CDH19: variants seen among roughly 807,000 people sequenced by gnomAD.
The protein encoded by CDH19 is cadherin-19.
Under a neutral mutation model 64.2 loss-of-function variants are expected in CDH19, and 67 were observed. That is an observed-to-expected ratio of 1.04 (90% CI 0.86 to 1.28). The LOEUF (loss-of-function observed/expected upper bound fraction) is 1.28. Among genes scored for constraint, CDH19 ranks in the 50% most tolerant of loss-of-function variants. The pLI, the probability that CDH19 is intolerant of heterozygous loss-of-function variation, is 0.00. For missense variants in CDH19, 1,030 were observed against 929.0 expected (o/e 1.11, Z -1.41); for synonymous variants, 346 against 319.3 (o/e 1.08, Z -0.89).
chr18:66,592,598 T>C (rs900710866), intron 1 of CDH19, among the ~76,000 whole-genome samples: 1 of 151,796 alleles, frequency 6.6e-6, no homozygotes, highest in Non-Finnish European at 1.5e-5. Context: ...GTTAGCTTAA[T>C]TTTATTCTAG....
At chr18:66,508,660 G>A (rs904586423) in intron 11 of CDH19, among the ~76,000 whole-genome samples, 3 of 151,872 alleles carry the variant, frequency 2.0e-5, no homozygotes, top group East Asian at 1.9e-4. Flanking sequence ...ATAAGCACTC[G>A]AGAGAAGCTC....
intron 1 of CDH19, among the ~76,000 whole-genome samples, chr18:66,598,203 T>G (rs1988952982): frequency 6.6e-6 from 1 of 152,186 alleles, no homozygotes; most frequent in Non-Finnish European, 1.5e-5. Context: ...CTGATGTGAA[T>G]GTAAATTAGT....
At chr18:66,523,902 G>C (rs1368430346) in intron 9 of CDH19, among the ~76,000 whole-genome samples, 3 of 150,784 alleles carry the variant, frequency 2.0e-5, no homozygotes, top group East Asian at 4.0e-4. Flanking sequence ...AAAGCTCTCC[G>C]GGGGTGGGGG....
At chr18:66,556,002 C>A (rs1227929716) in intron 3 of CDH19, among the ~76,000 whole-genome samples, 1 of 151,532 alleles carries the variant, frequency 6.6e-6, no homozygotes, top group Non-Finnish European at 1.5e-5. Flanking sequence ...TCTTTAGAGC[C>A]CCTAAGCTAG....
At chr18:66,543,374 C>A (rs1447806869) in intron 7 of CDH19, among the ~76,000 whole-genome samples, 1 of 151,960 alleles carries the variant, frequency 6.6e-6, no homozygotes, top group African/African-American at 2.4e-5. Flanking sequence ...CTAATTGGGG[C>A]TTTTTAAAAA....
In CDH19 at chr18:66,503,523, T is replaced by G. The variant is rs1245336057; in HGVS notation, c.*1289A>C. Reference sequence around the variant, plus strand: ...GTATTCCTTTAAGTTGTCTAAATAATTTTTAGTAGAGGTAAAAATTTACTT... The same window carrying G: ...GTATTCCTTTAAGTTGTCTAAATAAGTTTTAGTAGAGGTAAAAATTTACTT... On this transcript the variant is annotated 3_prime_UTR_variant, in exon 12 of 12. Coordinates refer to ENST00000262150, the MANE Select transcript of CDH19 (RefSeq NM_021153.4). 1 of 151,808 alleles carries G rather than the reference T, an allele frequency of 6.6e-6. No homozygotes were observed. Among genetic ancestry groups the G allele is most frequent in the Non-Finnish European group, 1.5e-5 (1 of 67,812 alleles). The allele number at this position is 151,808 out of a possible 1,614,324, so 9.4% of individuals were successfully genotyped here.
rs74559040 is a variant in CDH19 at position 66,532,719 on chromosome 18, G to T, written c.1336+2267C>A. On this transcript the variant is annotated intron_variant, in intron 8 of 11. Coordinates refer to ENST00000262150, the MANE Select transcript of CDH19 (RefSeq NM_021153.4). The stretch of plus-strand genomic sequence containing the variant: ...AATACAGCATCCCTATATCCTAGAT[G>T]TGGGGAAGGATAGGAGACTCATTTT... The T allele has an allele frequency of 8.4e-3, 3,798 of 452,310 alleles. 111 individuals carry two copies. Among genetic ancestry groups the T allele is most frequent in the African/African-American group, 0.069 (3,455 of 49,990 alleles). The allele number at this position is 452,310 out of a possible 1,614,324, so 28.0% of individuals were successfully genotyped here.
At position 66,554,402 on chromosome 18, in the gene CDH19, T is replaced by C. The variant is rs1476825397; in HGVS notation, c.610+3A>G. 1 of 1,610,862 alleles carries C rather than the reference T, an allele frequency of 6.2e-7. No homozygotes were observed. The highest frequency in any genetic ancestry group is 1.7e-5 in the Admixed American group (1 of 59,650). Reference sequence around the variant, plus strand: ...AAACTTTGCTTGTTTCATTCACAAATACCTGTTGTTGGTTCAACAGAAAAA... The same window carrying C: ...AAACTTTGCTTGTTTCATTCACAAACACCTGTTGTTGGTTCAACAGAAAAA... On this transcript the variant is annotated splice_donor_region_variant and intron_variant, in intron 4 of 11. Coordinates refer to ENST00000262150, the MANE Select transcript of CDH19 (RefSeq NM_021153.4).
chr18:66,559,044 C>T (rs1019671374), intron 3 of CDH19, among the ~76,000 whole-genome samples: 2 of 151,956 alleles, frequency 1.3e-5, no homozygotes, highest in East Asian at 1.9e-4. Flanking sequence ...CTCCCATCCC[C>T]GGTCATCCCA....
At chr18:66,529,329 T>TAA (rs1040996585) in intron 9 of CDH19, among the ~76,000 whole-genome samples, 3 of 137,556 alleles carry the variant, frequency 2.2e-5, no homozygotes, top group Non-Finnish European at 1.6e-5. Flanking sequence ...GCATGATGAA[T>TAA]AAAAAAAAAA....
intron 1 of CDH19, among the ~76,000 whole-genome samples, chr18:66,587,159 A>T (rs1462007547): frequency 6.6e-6 from 1 of 152,134 alleles, no homozygotes; most frequent in East Asian, 1.9e-4. Context: ...AGGACAATAT[A>T]AGTAAGAGAA....
intron 1 of CDH19, among the ~76,000 whole-genome samples, chr18:66,590,164 G>C (rs1988701684): frequency 6.6e-6 from 1 of 151,744 alleles, no homozygotes; most frequent in Admixed American, 6.6e-5. Flanking sequence ...CACAGCTACT[G>C]ATTCATGAGC....
chr18:66,536,121 T>C (rs997384894), intron 7 of CDH19, among the ~76,000 whole-genome samples: 4 of 151,172 alleles, frequency 2.6e-5, no homozygotes, highest in Admixed American at 1.3e-4. Context: ...AAACAATTAA[T>C]AATAAAAATT....
chr18:66,543,063 T>C (rs895446073), intron 7 of CDH19, among the ~76,000 whole-genome samples: 10 of 152,284 alleles, frequency 6.6e-5, no homozygotes, highest in African/African-American at 1.9e-4. Context: ...TCTCGCTTTG[T>C]CACCCAGGCC....
At chr18:66,590,727 A>G (rs746466768) in intron 1 of CDH19, among the ~76,000 whole-genome samples, 24 of 151,994 alleles carry the variant, frequency 1.6e-4, no homozygotes, top group Non-Finnish European at 2.9e-4. Flanking sequence ...AATGAACTCA[A>G]AATTGAAATG....
In CDH19 at chr18:66,515,068, T is replaced by C. The variant is rs183973238; in HGVS notation, c.1459-3383A>G. Among the ~76,000 whole-genome samples, 552 of 151,808 alleles carry C rather than the reference T, an allele frequency of 3.6e-3. 3 individuals carry two copies. The highest frequency in any genetic ancestry group is 3.3e-3 in the Non-Finnish European group (223 of 67,682). On this transcript the variant is annotated intron_variant, in intron 9 of 11. Transcript: ENST00000262150. Reference sequence around the variant, plus strand: ...AAGATACAAATACTGAGTATTAATTTATATAACTCATCAATTCCTTGAAGT... The same window carrying C: ...AAGATACAAATACTGAGTATTAATTCATATAACTCATCAATTCCTTGAAGT...
chr18:66,532,300 G>A, intron 8 of CDH19: 1 of 152,050 alleles, frequency 6.6e-6, no homozygotes. Flanking sequence ...AAAGCTATAG[G>A]AAAGGTGCAT....
Position 66,511,694 on chromosome 18 carries a change from A to C in CDH19, c.1459-9T>G. On this transcript the variant is annotated splice_polypyrimidine_tract_variant and intron_variant, in intron 9 of 11. Coordinates refer to ENST00000262150, the MANE Select transcript of CDH19 (RefSeq NM_021153.4). The stretch of plus-strand genomic sequence containing the variant: ...CTGATAGTCTGAATTACCTAAAAAA[A>C]AAGGGGGATAGATTTTTGTTGTTGT... The C allele has an allele frequency of 7.8e-7, 1 of 1,287,354 alleles. No individual in the cohort carries two copies. The highest frequency in any genetic ancestry group is 1.5e-5 in the African/African-American group (1 of 67,870). The allele number at this position is 1,287,354 out of a possible 1,614,324, so 79.7% of individuals were successfully genotyped here.
At chr18:66,561,769 C>T (rs1987731890) in intron 3 of CDH19, among the ~76,000 whole-genome samples, 1 of 151,984 alleles carries the variant, frequency 6.6e-6, no homozygotes, top group African/African-American at 2.4e-5. Flanking sequence ...TAGAATCATA[C>T]TTTAATTAGA....
Sources: gnomAD v4.1 joint callset for allele counts (sites outside exome capture counted in the v4.1 genomes callset) on GRCh38, gnomAD v4.1.1 for gene constraint, MANE v1.5 for transcripts, NCBI Gene and HGNC (gene_info 2026-07-23, HGNC 2026-07-21) for gene names.